The following MRAP2 variants were observed in gnomAD, a reference collection of about 807,000 sequenced individuals.
The protein encoded by MRAP2 is melanocortin 2 receptor accessory protein 2, also known as melanocortin-2 receptor accessory protein 2.
In MRAP2, 20 loss-of-function variants were observed where a neutral mutation model predicts 17.4. That is an observed-to-expected ratio of 1.15 (90% CI 0.81 to 1.67). The LOEUF (loss-of-function observed/expected upper bound fraction) is 1.67, where lower values mean the gene tolerates loss of function less well. MRAP2 is among the 40% of genes most tolerant of loss of function. The probability of loss-of-function intolerance (pLI) is 0.00; values close to 1 mark genes in which losing one functional copy is unlikely to be tolerated. For synonymous variants in MRAP2, 96 were observed against 88.4 expected (o/e 1.09, Z -0.48); for missense variants, 238 against 240.0 (o/e 0.99, Z 0.05).
the MRAP2 span, among the ~76,000 whole-genome samples, chr6:84,139,503 GA>G: frequency 1.3e-5 from 2 of 152,014 alleles, no homozygotes; most frequent in Admixed American, 6.5e-5. Flanking sequence ...CATGGGTTGA[GA>G]AAAAAAATTT....
At position 84,089,545 on chromosome 6, in the gene MRAP2, T is replaced by A. The variant is rs190958998; in HGVS notation, c.*64T>A. The A allele has an allele frequency of 2.6e-5, 40 of 1,529,126 alleles. No homozygotes were observed. The African/African-American group carries it at 5.0e-4, about 19-fold the overall frequency. The allele number at this position is 1,529,126 out of a possible 1,614,324, so 94.7% of individuals were successfully genotyped here. ...TTCTATCTTTATGTAGCAAGAAATC[T>A]ACATCCACCAAAATTGTGTGTGTTT... On this transcript the variant is annotated 3_prime_UTR_variant, in exon 4 of 4. Coordinates refer to ENST00000257776, the MANE Select transcript of MRAP2 (RefSeq NM_138409.4).
chr6:84,112,739 G>T, the MRAP2 span, among the ~76,000 whole-genome samples: 1 of 150,272 alleles, frequency 6.7e-6, no homozygotes. Context: ...TGGGCATTTA[G>T]TGCTATAAAT....
intron 1 of MRAP2, among the ~76,000 whole-genome samples, chr6:84,053,049 G>C (rs994856650): frequency 1.3e-5 from 2 of 152,142 alleles, no homozygotes; most frequent in Non-Finnish European, 2.9e-5. Context: ...TGGTGTTACT[G>C]CTGCTTTCTG....
downstream of MRAP2, among the ~76,000 whole-genome samples, chr6:84,093,291 A>C (rs985227157): frequency 1.3e-5 from 2 of 152,128 alleles, no homozygotes; most frequent in African/African-American, 2.4e-5. Context: ...AGAAAAAGGG[A>C]ATGGGGACTT....
chr6:84,128,827 T>C, the MRAP2 span, among the ~76,000 whole-genome samples: 1 of 152,124 alleles, frequency 6.6e-6, no homozygotes, highest in Non-Finnish European at 1.5e-5. Context: ...TTTCTCCTAA[T>C]GCTATCCCTC....
intron 3 of MRAP2, among the ~76,000 whole-genome samples, chr6:84,077,116 G>A (rs1053848262): frequency 1.3e-5 from 2 of 152,212 alleles, no homozygotes; most frequent in Non-Finnish European, 1.5e-5. Flanking sequence ...CAGCACATCA[G>A]TATATAGAAG....
chr6:84,057,398 A>G (rs2099491959), intron 2 of MRAP2, among the ~76,000 whole-genome samples: 3 of 152,212 alleles, frequency 2.0e-5, no homozygotes, highest in South Asian at 4.1e-4. Context: ...CCTGTAATGG[A>G]TCACACTTGG....
intron 2 of MRAP2, among the ~76,000 whole-genome samples, chr6:84,057,017 T>G (rs2099491859): frequency 6.6e-6 from 1 of 152,238 alleles, no homozygotes; most frequent in Non-Finnish European, 1.5e-5. Flanking sequence ...AATTTTAATA[T>G]TCACGTCAAG....
the MRAP2 span, among the ~76,000 whole-genome samples, chr6:84,137,163 C>T: frequency 5.1e-4 from 77 of 152,294 alleles, no homozygotes; most frequent in African/African-American, 1.8e-3. Context: ...AGCTCCTGGA[C>T]AACTATATGA....
At chr6:84,141,628 T>A in the MRAP2 span, among the ~76,000 whole-genome samples, 2 of 152,324 alleles carry the variant, frequency 1.3e-5, no homozygotes, top group South Asian at 4.1e-4. Flanking sequence ...CTAACTTGCC[T>A]TCCTCTGAAA....
In MRAP2 at chr6:84,041,804, T is replaced by A. The variant is rs146505316; in HGVS notation, c.-8+7921T>A. On this transcript the variant is annotated intron_variant, in intron 1 of 3. Transcript: ENST00000257776. ...CCATTGTATCTAGGAAGTAACTAAC[T>A]TGTTTTTTATTTTACAGACTGATAG... 1.2e-3 allele frequency among the ~76,000 whole-genome samples: 183 copies of A among 152,378 alleles called. 1 individual carries two copies. The highest frequency in any genetic ancestry group is 4.3e-3 in the African/African-American group (178 of 41,588).
rs1810806 is a variant in MRAP2 at position 84,087,247 on chromosome 6, G to A, written c.228-1844G>A. ...GAACATTGGTTCAGTCTGGAAAGGC[G>A]GGACTACTCGAAGCAGGGAGGGGAC... On this transcript the variant is annotated intron_variant, in intron 3 of 3. Transcript: ENST00000257776. 3.1e-3 allele frequency among the ~76,000 whole-genome samples: 471 copies of A among 152,274 alleles called. 2 individuals carry two copies. Among genetic ancestry groups the A allele is most frequent in the African/African-American group, 0.011 (450 of 41,548 alleles).
the MRAP2 span, among the ~76,000 whole-genome samples, chr6:84,098,681 A>G: frequency 2.0e-5 from 3 of 152,104 alleles, no homozygotes; most frequent in Admixed American, 6.6e-5. Flanking sequence ...GTGTAGTAGT[A>G]TGTCATTTTT....
At chr6:84,074,813 A>G (rs977757641) in intron 3 of MRAP2, among the ~76,000 whole-genome samples, 1 of 152,190 alleles carries the variant, frequency 6.6e-6, no homozygotes, top group Non-Finnish European at 1.5e-5. Flanking sequence ...AATGTACTGG[A>G]TGACAGGAGT....
the MRAP2 span, among the ~76,000 whole-genome samples, chr6:84,101,708 C>G: frequency 1.3e-5 from 2 of 151,984 alleles, no homozygotes; most frequent in African/African-American, 4.8e-5. Flanking sequence ...AGATTTCATC[C>G]TAAAGTAGAA....
chr6:84,119,655 C>T, the MRAP2 span, among the ~76,000 whole-genome samples: 1 of 152,148 alleles, frequency 6.6e-6, no homozygotes, highest in African/African-American at 2.4e-5. Context: ...TTAAGTTTTC[C>T]ACAAGTTTTG....
At chr6:84,042,434 C>A (rs2099487836) in intron 1 of MRAP2, among the ~76,000 whole-genome samples, 1 of 152,124 alleles carries the variant, frequency 6.6e-6, no homozygotes, top group Non-Finnish European at 1.5e-5. Context: ...CAGGAGCAAA[C>A]ATTTATTTGG....
chr6:84,048,823 C>T (rs2099489680), intron 1 of MRAP2, among the ~76,000 whole-genome samples: 1 of 152,300 alleles, frequency 6.6e-6, no homozygotes, highest in Non-Finnish European at 1.5e-5. Flanking sequence ...CCATTGTTTT[C>T]CTAATTCAAC....
intron 1 of MRAP2, among the ~76,000 whole-genome samples, chr6:84,046,614 T>C (rs138105314): frequency 1.0e-3 from 153 of 151,894 alleles, no homozygotes; most frequent in African/African-American, 3.5e-3. Context: ...ACCCCATCTC[T>C]GCTAAAAGTA....
Sources: allele counts gnomAD v4.1 joint callset (sites outside exome capture counted in the v4.1 genomes callset), GRCh38; gene constraint gnomAD v4.1.1; transcripts MANE v1.5; gene names NCBI Gene and HGNC (gene_info 2026-07-23, HGNC 2026-07-21).